The following WWOX variants were observed in gnomAD, a reference collection of about 807,000 sequenced individuals.
The protein encoded by WWOX is WW domain-containing oxidoreductase.
A neutral mutation model predicts 46.2 loss-of-function variants in WWOX; 69 were observed. That is an observed-to-expected ratio of 1.49 (90% CI 1.23 to 1.82). WWOX has a LOEUF of 1.82. Among genes scored for constraint, WWOX ranks in the 40% most tolerant of loss-of-function variants. The pLI is 0.00. For missense variants in WWOX, 919 were observed against 542.6 expected (o/e 1.69, Z -6.89); for synonymous variants, 359 against 202.6 (o/e 1.77, Z -6.56).
At chr16:78,641,823 C>T (rs1337771265) in intron 8 of WWOX, among the ~76,000 whole-genome samples, 1 of 152,112 alleles carries the variant, frequency 6.6e-6, no homozygotes, top group Non-Finnish European at 1.5e-5. Flanking sequence ...TCAAGCTTGG[C>T]AGAAAGCAGC....
chr16:78,545,176 A>G (rs914863321), intron 8 of WWOX, among the ~76,000 whole-genome samples: 3 of 152,086 alleles, frequency 2.0e-5, no homozygotes, highest in African/African-American at 7.2e-5. Context: ...CTGCCCTCCC[A>G]CTGGTACCAC....
chr16:78,369,996 C>G (rs2081632034), intron 5 of WWOX, among the ~76,000 whole-genome samples: 2 of 151,938 alleles, frequency 1.3e-5, no homozygotes, highest in East Asian at 1.9e-4. Flanking sequence ...GCCAGGTGTC[C>G]TGGTGCATGT....
chr16:78,755,944 A>C (rs1567538984), intron 8 of WWOX, among the ~76,000 whole-genome samples: 1 of 152,168 alleles, frequency 6.6e-6, no homozygotes, highest in Non-Finnish European at 1.5e-5. Context: ...TATGCCAAGG[A>C]GACAGTTTTC....
At chr16:78,229,400 T>G (rs1567442534) in intron 5 of WWOX, among the ~76,000 whole-genome samples, 1 of 150,920 alleles carries the variant, frequency 6.6e-6, no homozygotes, top group Non-Finnish European at 1.5e-5. Flanking sequence ...CCTTTGTTTT[T>G]GTTGTCATCG....
At chr16:78,572,599 T>C (rs1379436688) in intron 8 of WWOX, among the ~76,000 whole-genome samples, 3 of 75,988 alleles carry the variant, frequency 3.9e-5, no homozygotes, top group Non-Finnish European at 4.5e-5. Flanking sequence ...TAAGACTCTG[T>C]CTCAAAAAAA....
chr16:79,067,637 C>CG (rs144613659), intron 8 of WWOX, among the ~76,000 whole-genome samples: 6,348 of 80,664 alleles, frequency 0.079, 179 homozygotes, highest in Non-Finnish European at 0.1. Context: ...GGGTGGGGGG[C>CG]GGGGGGGGGC....
intron 5 of WWOX, among the ~76,000 whole-genome samples, chr16:78,372,589 C>G (rs1597119535): frequency 1.3e-5 from 2 of 152,184 alleles, no homozygotes; most frequent in African/African-American, 2.4e-5. Context: ...ATGGTCCCAT[C>G]TGAACTGGAT....
chr16:78,865,053 G>A (rs535315461), intron 8 of WWOX, among the ~76,000 whole-genome samples: 4 of 151,998 alleles, frequency 2.6e-5, no homozygotes, highest in South Asian at 4.2e-4. Context: ...GTGAGCCACC[G>A]CGCCTGGCTT....
chr16:78,370,682 T>C (rs759216990), intron 5 of WWOX, among the ~76,000 whole-genome samples: 1 of 151,908 alleles, frequency 6.6e-6, no homozygotes, highest in Non-Finnish European at 1.5e-5. Flanking sequence ...CCATTCCTTA[T>C]AACTGATTAT....
In WWOX at chr16:78,348,556, C is replaced by G. The variant is rs1429989451; in HGVS notation, c.517-38304C>G. Among the ~76,000 whole-genome samples, 3 of 120,828 alleles carry G rather than the reference C, an allele frequency of 2.5e-5. 1 individual carries two copies. The highest frequency in any genetic ancestry group is 8.4e-5 in the African/African-American group (3 of 35,578). The allele number at this position is 120,828 out of a possible 152,430, so 79.3% of individuals were successfully genotyped here. ...CACTGTAGCTTTTGCCTCTTGAGCT[C>G]AGGCAATCCTCCTGCCTCAGCCCCA... On this transcript the variant is annotated intron_variant, in intron 5 of 8. Coordinates refer to ENST00000566780, the MANE Select transcript of WWOX (RefSeq NM_016373.4).
chr16:78,206,227 T>C (rs1404030271), intron 5 of WWOX, among the ~76,000 whole-genome samples: 5 of 152,152 alleles, frequency 3.3e-5, no homozygotes, highest in African/African-American at 1.2e-4. Flanking sequence ...AAGTTATTGG[T>C]GGTGGAATAT....
At chr16:78,846,678 A>G (rs1174165071) in intron 8 of WWOX, among the ~76,000 whole-genome samples, 1 of 152,092 alleles carries the variant, frequency 6.6e-6, no homozygotes, top group Non-Finnish European at 1.5e-5. Context: ...AGATTTCTCC[A>G]CTGTAAAGGA....
intron 8 of WWOX, among the ~76,000 whole-genome samples, chr16:79,048,002 C>T (rs900636294): frequency 6.6e-6 from 1 of 152,104 alleles, no homozygotes; most frequent in Non-Finnish European, 1.5e-5. Flanking sequence ...CTGAAAATAT[C>T]CCTTGTGGTC....
intron 8 of WWOX, among the ~76,000 whole-genome samples, chr16:78,515,265 GCTGA>G (rs928213884): frequency 5.9e-5 from 9 of 152,082 alleles, no homozygotes; most frequent in African/African-American, 1.7e-4. Context: ...CTATTCCATA[GCTGA>G]CTATTTTCTG....
rs748906505 is a variant in WWOX at position 78,746,000 on chromosome 16, G to A, written c.1056+313248G>A. Among the ~76,000 whole-genome samples, 26 of 152,276 alleles carry A rather than the reference G, an allele frequency of 1.7e-4. No individual in the cohort carries two copies. The East Asian group carries it at 4.2e-3, about 25-fold the overall frequency. On this transcript the variant is annotated intron_variant, in intron 8 of 8. Transcript: ENST00000566780. The stretch of plus-strand genomic sequence containing the variant: ...CTGCACCACGTCTCAGAAGGCTACT[G>A]GGAAGGGCCATAATCTGTATCCATC...
intron 8 of WWOX, among the ~76,000 whole-genome samples, chr16:78,594,229 G>C (rs1416082432): frequency 1.3e-5 from 2 of 152,062 alleles, no homozygotes; most frequent in Admixed American, 1.3e-4. Context: ...CTATGTGTAT[G>C]TGTTTGTGTG....
intron 8 of WWOX, among the ~76,000 whole-genome samples, chr16:79,000,197 C>A (rs948026658): frequency 6.6e-6 from 1 of 152,132 alleles, no homozygotes. Flanking sequence ...TGCGTTCACA[C>A]GGCACGTCAT....
intron 8 of WWOX, among the ~76,000 whole-genome samples, chr16:78,753,738 G>A (rs2049546174): frequency 6.9e-6 from 1 of 144,408 alleles, no homozygotes; most frequent in African/African-American, 2.6e-5. Context: ...GGAAGTCAAG[G>A]CTGTAGTGAG....
intron 5 of WWOX, among the ~76,000 whole-genome samples, chr16:78,382,085 A>G (rs2151930221): frequency 6.6e-6 from 1 of 152,030 alleles, no homozygotes; most frequent in South Asian, 2.1e-4. Context: ...TTTTTTTTAT[A>G]ATGGATGTGA....
Sources: gnomAD v4.1 joint callset for allele counts (sites outside exome capture counted in the v4.1 genomes callset) on GRCh38, gnomAD v4.1.1 for gene constraint, MANE v1.5 for transcripts, NCBI Gene and HGNC (gene_info 2026-07-23, HGNC 2026-07-21) for gene names.